Variants in KTN1 observed in about 807,000 individuals in gnomAD.
KTN1 encodes the protein kinectin.
KTN1 carries 130 observed loss-of-function variants against 222.5 expected under a neutral mutation model. That is an observed-to-expected ratio of 0.58 (90% CI 0.51 to 0.68). KTN1 has a LOEUF of 0.68. KTN1 is among the 30% of genes least tolerant of loss of function. KTN1 has a pLI of 0.00. For missense variants in KTN1, 1,508 were observed against 1,500.4 expected (o/e 1.01, Z -0.08); for synonymous variants, 512 against 496.3 (o/e 1.03, Z -0.42).
intron 1 of KTN1, among the ~76,000 whole-genome samples, chr14:55,608,776 C>T (rs894647901): frequency 9.9e-5 from 15 of 151,814 alleles, no homozygotes; most frequent in Admixed American, 2.6e-4. Flanking sequence ...ATTACAGGCG[C>T]GTACCACCAC....
Position 55,603,214 on chromosome 14 carries a change from T to TA in KTN1, c.-30-8800dup, listed in dbSNP as rs139114253. Reference sequence around the variant, plus strand: ...ATCATGCTGTAATTTCTCCCATCTTTAAAAACCAAACTGTTAACCTCATAT... The same window carrying TA: ...ATCATGCTGTAATTTCTCCCATCTTTAAAAAACCAAACTGTTAACCTCATAT... On this transcript the variant is annotated intron_variant, in intron 1 of 43. Coordinates refer to ENST00000395314, the MANE Select transcript of KTN1 (RefSeq NM_001079521.2). Among the ~76,000 whole-genome samples the TA allele has an allele frequency of 1.8e-3, 273 of 152,290 alleles. 1 individual carries two copies. Among genetic ancestry groups the TA allele is most frequent in the Admixed American group, 4.6e-3 (71 of 15,294 alleles).
chr14:55,678,254 G>A, intron 41 of KTN1, 98 bp from the exon 42 acceptor site: 1 of 735,278 alleles, frequency 1.4e-6, no homozygotes, highest in Non-Finnish European at 2.3e-6. Context: ...CGTCTTTTGA[G>A]AGGAGCTTTT....
At chr14:55,593,445 CCA>C (rs1566663844) in intron 1 of KTN1, among the ~76,000 whole-genome samples, 5 of 139,600 alleles carry the variant, frequency 3.6e-5, no homozygotes, top group Non-Finnish European at 6.2e-5. Flanking sequence ...CACCCCCCCC[CCA>C]AAAAAAAAAA....
chr14:55,635,077 A>C (rs1386224500), intron 9 of KTN1, among the ~76,000 whole-genome samples: 1 of 152,182 alleles, frequency 6.6e-6, no homozygotes, highest in Non-Finnish European at 1.5e-5. Context: ...TAACCATATC[A>C]GTAGGTATTT....
intron 6 of KTN1, 121 bp from the exon 7 acceptor site, chr14:55,629,832 GTACT>G: frequency 1.4e-6 from 1 of 709,204 alleles, no homozygotes; most frequent in Non-Finnish European, 2.4e-6. Flanking sequence ...TTTTAAGCAA[GTACT>G]TAATGTTTTA....
intron 31 of KTN1, 149 bp from the exon 32 acceptor site, chr14:55,661,373 G>A (rs373446951): frequency 2.0e-6 from 1 of 500,580 alleles, no homozygotes; most frequent in Non-Finnish European, 3.6e-6. Context: ...GCTTTGTATG[G>A]TCAACAGTAG....
intron 5 of KTN1, 60 bp from the exon 6 acceptor site, chr14:55,627,852 C>G (rs979117549): frequency 2.5e-5 from 25 of 995,268 alleles, no homozygotes. Context: ...ATTTCATTTT[C>G]ATAATTTTTA....
rs750015260 is a variant in KTN1 at position 55,616,640 on chromosome 14, A to G, written c.647A>G (p.Gln216Arg). Reference protein sequence around the residue: ...SGKKKASSKKQKTENVFVDEP... With the variant: ...SGKKKASSKKRKTENVFVDEP... ...AAGAAGAAAGCTTCATCAAAGAAAC[A>G]AAAGACAGAAAATGGTGAGATGTTT... Residue 216 changes from glutamine (Q) to arginine (R), a missense_variant, in exon 3 of 44, where the codon CAA (glutamine) becomes CGA (arginine). Transcript: ENST00000395314. The G allele has an allele frequency of 2.5e-6, 4 of 1,593,200 alleles. No homozygotes were observed. The highest frequency in any genetic ancestry group is 2.7e-5 in the African/African-American group (2 of 73,034).
chr14:55,602,989 T>G (rs893857734), intron 1 of KTN1, among the ~76,000 whole-genome samples: 1 of 152,240 alleles, frequency 6.6e-6, no homozygotes, highest in African/African-American at 2.4e-5. Flanking sequence ...GTCTACCTCC[T>G]TTCCTGTCCT....
chr14:55,612,240 G>A lies in KTN1; in HGVS notation c.192G>A (p.Lys64=), dbSNP rs147826949. Residue 64 remains lysine (K), a synonymous_variant, in exon 2 of 44, where the codon AAG becomes AAA. Coordinates refer to ENST00000395314, the MANE Select transcript of KTN1 (RefSeq NM_001079521.2). ...AAGCAGAAAAGAAAAAGAATAAAAA[G>A]AAAGAAATCCAGAATGGAAACCTCC... ...KKKAEKKKNK[K]KEIQNGNLHE... 1.1e-4 allele frequency: 182 copies of A among 1,585,896 alleles called. 1 individual carries two copies. The African/African-American group carries it at 2.3e-3, about 20-fold the overall frequency.
intron 32 of KTN1, 179 bp downstream of exon 32, chr14:55,661,791 T>A (rs889238795): frequency 1.3e-5 from 5 of 399,440 alleles, no homozygotes. Context: ...CAGTTTTTTT[T>A]AAATAAGTGA....
At chr14:55,642,369 A>G (rs1196626966) in intron 18 of KTN1, among the ~76,000 whole-genome samples, 4 of 152,290 alleles carry the variant, frequency 2.6e-5, no homozygotes, top group Middle Eastern at 3.4e-3. Context: ...TATTCATTTT[A>G]TATTTATAGC....
chr14:55,583,506 A>G (rs2032220611), intron 1 of KTN1, among the ~76,000 whole-genome samples: 1 of 152,208 alleles, frequency 6.6e-6, no homozygotes, highest in Non-Finnish European at 1.5e-5. Context: ...ATCTGGTTTC[A>G]GCAAAGTGAT....
chr14:55,638,524 T>C (rs2041403140), intron 12 of KTN1, among the ~76,000 whole-genome samples: 1 of 151,836 alleles, frequency 6.6e-6, no homozygotes. Context: ...AAATTTTGTT[T>C]TTAAGGTTCG....
At position 55,648,048 on chromosome 14, in the gene KTN1, T is replaced by TA. The variant is rs2042570706; in HGVS notation, c.2234dup (p.Thr746AspfsTer7). Reference sequence around the variant, plus strand: ...AGCATTCAAGAAAAAGATGAGAAGTTAAAGACTGTGGAAGAATTACTTGAA... The same window carrying TA: ...AGCATTCAAGAAAAAGATGAGAAGTTAAAAGACTGTGGAAGAATTACTTGAA... On this transcript the variant is annotated frameshift_variant, in exon 20 of 44. Transcript: ENST00000395314. LOFTEE classifies it high-confidence loss of function. 1 of 1,546,200 alleles carries TA rather than the reference T, an allele frequency of 6.5e-7. No individual in the cohort carries two copies. The highest frequency in any genetic ancestry group is 8.7e-7 in the Non-Finnish European group (1 of 1,143,610).
At chr14:55,614,267 C>G (rs2038026771) in intron 2 of KTN1, among the ~76,000 whole-genome samples, 1 of 152,090 alleles carries the variant, frequency 6.6e-6, no homozygotes, top group Non-Finnish European at 1.5e-5. Context: ...GCAGAGCTAG[C>G]AAGAACAGAT....
At chr14:55,660,909 C>G (rs1299613239) in intron 31 of KTN1, among the ~76,000 whole-genome samples, 1 of 152,162 alleles carries the variant, frequency 6.6e-6, no homozygotes, top group Non-Finnish European at 1.5e-5. Flanking sequence ...GACACTGATT[C>G]TCAGGGAAGA....
chr14:55,640,886 A>G (rs778458546), intron 15 of KTN1, 47 bp from the exon 16 acceptor site: 13 of 1,538,914 alleles, frequency 8.4e-6, no homozygotes, highest in Non-Finnish European at 1.2e-5. Flanking sequence ...AATAGTTTTG[A>G]GCACTTCCTG....
intron 43 of KTN1, 27 bp from the exon 44 acceptor site, chr14:55,684,072 A>C: frequency 6.3e-7 from 1 of 1,590,598 alleles, no homozygotes; most frequent in Non-Finnish European, 8.6e-7. Context: ...TTTTAAAGTG[A>C]AATTCATTCT....
Sources: allele counts gnomAD v4.1 joint callset (sites outside exome capture counted in the v4.1 genomes callset), GRCh38; gene constraint gnomAD v4.1.1; transcripts MANE v1.5; gene names NCBI Gene and HGNC (gene_info 2026-07-23, HGNC 2026-07-21).